TRMO: variants seen among roughly 807,000 people sequenced by gnomAD.
TRMO encodes the protein tRNA methyltransferase O.
In TRMO, 30 loss-of-function variants were observed where a neutral mutation model predicts 37.2. That is an observed-to-expected ratio of 0.81 (90% CI 0.60 to 1.09). The LOEUF (loss-of-function observed/expected upper bound fraction) is 1.09. Ranked by LOEUF, TRMO falls within the 50% of genes least tolerant of loss-of-function variation. TRMO has a pLI of 0.00. For missense variants in TRMO, 552 were observed against 549.5 expected (o/e 1.00, Z -0.05); for synonymous variants, 239 against 199.4 (o/e 1.20, Z -1.67).
At chr9:97,913,374 G>A (rs1183849377) in intron 3 of TRMO, 27 bp downstream of exon 3, 1 of 1,613,034 alleles carries the variant, frequency 6.2e-7, no homozygotes, top group South Asian at 1.1e-5. Context: ...TGAGGAAAAA[G>A]GTAAAAGTAG....
At chr9:97,912,779 T>G (rs1826181565) in intron 3 of TRMO, 1 of 465,970 alleles carries the variant, frequency 2.1e-6, no homozygotes, top group Non-Finnish European at 4.0e-6. Context: ...CTATAACAAA[T>G]GCATCTGTTA....
Position 97,922,467 on chromosome 9 carries a change from A to AGGCCCCGACTCCTCCAAGCCGC in TRMO, c.5_26dup (p.Pro11LeufsTer17). 1 of 1,587,102 alleles carries AGGCCCCGACTCCTCCAAGCCGC rather than the reference A, an allele frequency of 6.3e-7. No homozygotes were observed. The highest frequency in any genetic ancestry group is 8.6e-7 in the Non-Finnish European group (1 of 1,167,980). ...AGCCGCACGGGGTCGCTGTAGGCCG[A>AGGCCCCGACTCCTCCAAGCCGC]GGCCCCGACTCCTCCAAGCCGCGCA... On this transcript the variant is annotated frameshift_variant, in exon 1 of 5. Coordinates refer to ENST00000375119, the MANE Select transcript of TRMO (RefSeq NM_016481.5). LOFTEE classifies it high-confidence loss of function.
chr9:97,922,372 G>T, intron 1 of TRMO, 46 bp downstream of exon 1: 1 of 1,331,518 alleles, frequency 7.5e-7, no homozygotes, highest in Non-Finnish European at 1.1e-6. Flanking sequence ...CCGCTGCCTG[G>T]GCCTAAACCT....
rs566180474 is a variant in TRMO, at chr9:97,907,949, T to A, written c.1066+2011A>T. Among the ~76,000 whole-genome samples the A allele has an allele frequency of 2.0e-5, 3 of 152,256 alleles. No homozygotes were observed. In the East Asian group the frequency reaches 5.8e-4, roughly 29 times the overall value. On this transcript the variant is annotated intron_variant, in intron 4 of 4. Transcript: ENST00000375119. Reference sequence around the variant, plus strand: ...CACCTCTTTGACCTTTGCTCATATGTGTCTTTCTCAGTGAGGCCCACTGGG... The same window carrying A: ...CACCTCTTTGACCTTTGCTCATATGAGTCTTTCTCAGTGAGGCCCACTGGG...
At chr9:97,918,556 A>T (rs1826477117) in intron 1 of TRMO, among the ~76,000 whole-genome samples, 1 of 152,160 alleles carries the variant, frequency 6.6e-6, no homozygotes, top group Non-Finnish European at 1.5e-5. Context: ...AATTTCTGAG[A>T]GATGATATAA....
At chr9:97,917,232 G>A (rs946372976) in intron 1 of TRMO, among the ~76,000 whole-genome samples, 4 of 152,166 alleles carry the variant, frequency 2.6e-5, no homozygotes, top group Non-Finnish European at 4.4e-5. Flanking sequence ...GAAACACTGG[G>A]TATACATAAG....
intron 1 of TRMO, among the ~76,000 whole-genome samples, chr9:97,918,965 A>G (rs1307131661): frequency 1.3e-5 from 2 of 152,168 alleles, no homozygotes; most frequent in Non-Finnish European, 2.9e-5. Flanking sequence ...TGTCTTTAAG[A>G]TCTATAAAAA....
rs62574055 is a variant in TRMO, at chr9:97,922,112, T to C, written c.76+306A>G. ...CTAACCCGCCTAACACCATCTCCCATACGCTATGGCAAGGAAACCCCTAAG... is the reference window on the plus strand; with the variant it reads ...CTAACCCGCCTAACACCATCTCCCACACGCTATGGCAAGGAAACCCCTAAG... On this transcript the variant is annotated intron_variant, in intron 1 of 4. Transcript: ENST00000375119. 3.9e-3 allele frequency among the ~76,000 whole-genome samples: 589 copies of C among 152,242 alleles called. 3 individuals are homozygous for C. Among genetic ancestry groups the C allele is most frequent in the Non-Finnish European group, 6.3e-3 (428 of 68,016 alleles).
chr9:97,912,755 T>C, intron 3 of TRMO: 1 of 385,620 alleles, frequency 2.6e-6, no homozygotes, highest in East Asian at 8.3e-5. Flanking sequence ...TACCTGCCAT[T>C]TCATCTGCTG....
intron 1 of TRMO, among the ~76,000 whole-genome samples, chr9:97,917,901 T>A (rs951023610): frequency 6.7e-6 from 1 of 149,256 alleles, no homozygotes; most frequent in Non-Finnish European, 1.5e-5. Flanking sequence ...AGGCTGGTCT[T>A]AAACTCCTGA....
At position 97,915,212 on chromosome 9, in the gene TRMO, G is replaced by A. The variant is rs150638302; in HGVS notation, c.251+952C>T. On this transcript the variant is annotated intron_variant, in intron 2 of 4. Transcript: ENST00000375119. ...AACAAACAATGCTAGTATAACACAG[G>A]CCCTAATATAGGTAACACTTAAAGT... Among the ~76,000 whole-genome samples, 24 of 152,266 alleles carry A rather than the reference G, an allele frequency of 1.6e-4. 1 individual carries two copies. The highest frequency in any genetic ancestry group is 9.8e-4 in the Admixed American group (15 of 15,280).
rs1470915982 is a variant in TRMO at position 97,910,512 on chromosome 9, G to A, written c.514C>T (p.Pro172Ser). Residue 172 changes from proline (P) to serine (S), a missense_variant, in exon 4 of 5, where the codon CCT becomes TCT. Transcript: ENST00000375119. ...TTCTGTAAATTAAAGTCTGCTAAAG[G>A]CTCCATCACATTTTGCGGTGAGTCA... ...EYDSPQNVME[P>S]LADFNLQNNQ... is the part of the protein sequence containing the mutation. 6.2e-7 allele frequency: 1 copy of A among 1,614,162 alleles called. No individual in the cohort carries two copies. Among genetic ancestry groups the A allele is most frequent in the Non-Finnish European group, 8.5e-7 (1 of 1,180,022 alleles).
intron 1 of TRMO, 82 bp from the exon 2 acceptor site, chr9:97,916,420 G>A (rs1826364082): frequency 1.5e-5 from 14 of 948,814 alleles, no homozygotes; most frequent in Middle Eastern, 2.2e-4. Context: ...CTAATGCATT[G>A]GTTTCATAGT....
chr9:97,899,066 C>T, the TRMO span, among the ~76,000 whole-genome samples: 5 of 151,892 alleles, frequency 3.3e-5, no homozygotes, highest in Admixed American at 2.6e-4. Flanking sequence ...TCTCGATCTC[C>T]CGACCTCGTG....
Position 97,904,776 on chromosome 9 carries a change from T to G in TRMO, c.1283A>C (p.His428Pro). The G allele has an allele frequency of 6.2e-7, 1 of 1,614,172 alleles. No homozygotes were observed. Among genetic ancestry groups the G allele is most frequent in the South Asian group, 1.1e-5 (1 of 91,078 alleles). Reference sequence around the variant, plus strand: ...CAAGGACCCCACAGGGCCAGTCATATGAACAGGCTCAGAAGCCGGCTTGAT... The same window carrying G: ...CAAGGACCCCACAGGGCCAGTCATAGGAACAGGCTCAGAAGCCGGCTTGAT... Reference protein sequence around the residue: ...LRIKPASEPVHMTGPVGSLVS... With the variant: ...LRIKPASEPVPMTGPVGSLVS... Residue 428 changes from histidine to proline, a missense_variant, in exon 5 of 5, where the codon CAT becomes CCT. Coordinates refer to ENST00000375119, the MANE Select transcript of TRMO (RefSeq NM_016481.5).
At chr9:97,915,874 CA>C (rs896996065) in intron 2 of TRMO, 1 of 226,966 alleles carries the variant, frequency 4.4e-6, no homozygotes, top group Non-Finnish European at 8.5e-6. Context: ...CCATCTCTAC[CA>C]AAAATACAAA....
chr9:97,906,307 T>C (rs1279820463), intron 4 of TRMO, among the ~76,000 whole-genome samples: 1 of 152,188 alleles, frequency 6.6e-6, no homozygotes. Flanking sequence ...GGCCTCTGCT[T>C]GGCCGTTTAT....
intron 1 of TRMO, among the ~76,000 whole-genome samples, chr9:97,916,687 CTA>C (rs1419906444): frequency 2.0e-5 from 3 of 149,850 alleles, no homozygotes; most frequent in African/African-American, 7.3e-5. Context: ...CTGGCCAGGG[CTA>C]TGAGCGTATT....
intron 4 of TRMO, 46 bp downstream of exon 4, chr9:97,909,914 A>T (rs1228201884): frequency 5.6e-6 from 8 of 1,422,860 alleles, no homozygotes; most frequent in African/African-American, 1.4e-5. Context: ...GCTAAATCTC[A>T]AAGTAAAAGT....
Sources: gnomAD v4.1 joint callset for allele counts (sites outside exome capture counted in the v4.1 genomes callset) on GRCh38, gnomAD v4.1.1 for gene constraint, MANE v1.5 for transcripts, NCBI Gene and HGNC (gene_info 2026-07-23, HGNC 2026-07-21) for gene names.